The following ROBO1 variants were observed in gnomAD, a reference collection of about 807,000 sequenced individuals.
The protein encoded by ROBO1 is roundabout guidance receptor 1, also known as roundabout homolog 1.
A neutral mutation model predicts 195.9 loss-of-function variants in ROBO1; 149 were observed. The ratio of observed to expected loss-of-function variants is 0.76; its 90% CI spans 0.67 to 0.87. The LOEUF is 0.87. Among genes scored for constraint, ROBO1 ranks in the 40% least tolerant of loss-of-function variants. The pLI is 0.00. For synonymous variants in ROBO1, 816 were observed against 733.2 expected (o/e 1.11, Z -1.82); for missense variants, 1,933 against 2,068.3 (o/e 0.93, Z 1.27).
In ROBO1 at chr3:79,023,208, T is replaced by C. The variant is rs1451723729; in HGVS notation, c.173-84281A>G. Among the ~76,000 whole-genome samples the C allele has an allele frequency of 2.6e-5, 4 of 152,190 alleles. No homozygotes were observed. The East Asian group carries it at 5.8e-4, about 22-fold the overall frequency. On this transcript the variant is annotated intron_variant, in intron 3 of 30. Coordinates refer to ENST00000464233, the MANE Select transcript of ROBO1 (RefSeq NM_002941.4). ...CTGTGCTGAACACTCCAAGATCCCA[T>C]CCCTCAGAGTGCAACAGTTAGTTCA...
At chr3:78,981,890 A>G (rs1158557674) in intron 3 of ROBO1, among the ~76,000 whole-genome samples, 4 of 151,978 alleles carry the variant, frequency 2.6e-5, no homozygotes, top group Non-Finnish European at 4.4e-5. Flanking sequence ...CTTCTTCCCA[A>G]TGAAATCCAA....
intron 3 of ROBO1, among the ~76,000 whole-genome samples, chr3:79,112,879 G>A (rs541623732): frequency 1.3e-3 from 191 of 151,894 alleles, no homozygotes; most frequent in South Asian, 8.1e-3. Context: ...TAACCTGCAC[G>A]TTGTGCACAT....
chr3:79,241,864 C>T (rs1206832246), intron 2 of ROBO1, among the ~76,000 whole-genome samples: 1 of 151,448 alleles, frequency 6.6e-6, no homozygotes, highest in East Asian at 1.9e-4. Flanking sequence ...CAGTCTTGAC[C>T]TCTACTCTTA....
intron 2 of ROBO1, among the ~76,000 whole-genome samples, chr3:79,430,706 C>T (rs1445727492): frequency 3.9e-5 from 6 of 152,146 alleles, no homozygotes; most frequent in Admixed American, 2.6e-4. Flanking sequence ...CATTTTTCCT[C>T]TTGTTCCTGT....
chr3:79,701,531 TA>T (rs1272364670), intron 1 of ROBO1, among the ~76,000 whole-genome samples: 1 of 151,630 alleles, frequency 6.6e-6, no homozygotes, highest in Non-Finnish European at 1.5e-5. Context: ...AAGATAGAAA[TA>T]AATTTCTGCC....
intron 2 of ROBO1, among the ~76,000 whole-genome samples, chr3:79,174,073 T>C (rs1003828067): frequency 1.3e-5 from 2 of 152,014 alleles, no homozygotes; most frequent in East Asian, 1.9e-4. Flanking sequence ...ATGTGGGTGG[T>C]GCCAGATAAG....
intron 25 of ROBO1, among the ~76,000 whole-genome samples, chr3:78,628,857 C>T (rs902262360): frequency 6.6e-6 from 1 of 151,970 alleles, no homozygotes; most frequent in African/African-American, 2.4e-5. Flanking sequence ...TCTCTAGAAT[C>T]TATTCTCTAA....
At chr3:79,081,472 C>G (rs1174742130) in intron 3 of ROBO1, among the ~76,000 whole-genome samples, 1 of 152,134 alleles carries the variant, frequency 6.6e-6, no homozygotes, top group Non-Finnish European at 1.5e-5. Context: ...TACACAATAC[C>G]GAGCTTTGTC....
intron 4 of ROBO1, among the ~76,000 whole-genome samples, chr3:78,885,411 C>CT (rs1491587489): frequency 2.1e-3 from 8 of 3,894 alleles, no homozygotes; most frequent in Non-Finnish European, 3.9e-3. Flanking sequence ...GAATTTAAAA[C>CT]TAAAAAAAAA....
At chr3:79,274,211 A>G (rs978661190) in intron 2 of ROBO1, among the ~76,000 whole-genome samples, 2 of 152,004 alleles carry the variant, frequency 1.3e-5, no homozygotes, top group African/African-American at 4.8e-5. Flanking sequence ...TACAGAATAC[A>G]CATTGATCAC....
chr3:78,601,252 G>A (rs904012826), intron 29 of ROBO1, among the ~76,000 whole-genome samples: 25 of 152,122 alleles, frequency 1.6e-4, no homozygotes, highest in Non-Finnish European at 2.2e-4. Context: ...TAGTGGAAGG[G>A]TAAGGCAGAA....
Position 78,905,570 on chromosome 3 carries a change from G to A in ROBO1, c.499+33031C>T, listed in dbSNP as rs149069623. 4.4e-3 allele frequency among the ~76,000 whole-genome samples: 669 copies of A among 152,124 alleles called. 6 individuals are homozygous for A. The highest frequency in any genetic ancestry group is 0.015 in the African/African-American group (643 of 41,520). On this transcript the variant is annotated intron_variant, in intron 4 of 30. Coordinates refer to ENST00000464233, the MANE Select transcript of ROBO1 (RefSeq NM_002941.4). ...GGAGATGGAGGCTGCAGTGAGCTGT[G>A]ATAGTGCCATTGTACTACAGTTTGG...
At chr3:79,583,976 C>A (rs968580952) in intron 2 of ROBO1, among the ~76,000 whole-genome samples, 1 of 151,698 alleles carries the variant, frequency 6.6e-6, no homozygotes, top group Non-Finnish European at 1.5e-5. Flanking sequence ...AGAACCCAAA[C>A]CAAAACAAAG....
chr3:79,655,997 A>G (rs1208020485), intron 1 of ROBO1, among the ~76,000 whole-genome samples: 2 of 152,104 alleles, frequency 1.3e-5, no homozygotes, highest in African/African-American at 4.8e-5. Flanking sequence ...TTTTTAAAAG[A>G]TATTTATTTT....
chr3:79,279,676 G>A (rs78602945), intron 2 of ROBO1, among the ~76,000 whole-genome samples: 5,118 of 152,188 alleles, frequency 0.034, 253 homozygotes, highest in African/African-American at 0.11. Context: ...TGCAGATATG[G>A]AATTCCATAC....
rs140685911 is a variant in ROBO1 at position 79,058,935 on chromosome 3, C to T, written c.172+66521G>A. Among the ~76,000 whole-genome samples the T allele has an allele frequency of 7.8e-3, 1,194 of 152,198 alleles. 9 individuals carry two copies. The highest frequency in any genetic ancestry group is 0.02 in the Middle Eastern group (6 of 294). Reference sequence around the variant, plus strand: ...GGCCACCACTGCCCGAATGGCATTACATCAATCTATTCACATGGCTCATTT... The same window carrying T: ...GGCCACCACTGCCCGAATGGCATTATATCAATCTATTCACATGGCTCATTT... On this transcript the variant is annotated intron_variant, in intron 3 of 30. Transcript: ENST00000464233.
intron 2 of ROBO1, among the ~76,000 whole-genome samples, chr3:79,329,099 T>C (rs1200250996): frequency 6.6e-6 from 1 of 152,212 alleles, no homozygotes; most frequent in Non-Finnish European, 1.5e-5. Flanking sequence ...CATTTCACAG[T>C]TGTACTATTT....
At chr3:79,531,521 G>A (rs1354929371) in intron 2 of ROBO1, among the ~76,000 whole-genome samples, 8 of 152,128 alleles carry the variant, frequency 5.3e-5, no homozygotes. Context: ...TACTCGGTAT[G>A]CTGAGGAATG....
intron 1 of ROBO1, among the ~76,000 whole-genome samples, chr3:79,617,213 C>T (rs2107954521): frequency 6.6e-6 from 1 of 152,214 alleles, no homozygotes; most frequent in Non-Finnish European, 1.5e-5. Flanking sequence ...GTATGTGCTT[C>T]TGGTCATCTT....
Sources: allele counts gnomAD v4.1 joint callset (sites outside exome capture counted in the v4.1 genomes callset), GRCh38; gene constraint gnomAD v4.1.1; transcripts MANE v1.5; gene names NCBI Gene and HGNC (gene_info 2026-07-23, HGNC 2026-07-21).